Variants in MAP3K2 observed in about 807,000 individuals in gnomAD.
MAP3K2 encodes mitogen-activated protein kinase kinase kinase 2.
In MAP3K2, 24 loss-of-function variants were observed where a neutral mutation model predicts 80.3. The observed-to-expected ratio is 0.30, with a 90% CI of 0.22 to 0.42. The LOEUF is 0.42. MAP3K2 is among the 10% of genes least tolerant of loss of function. The pLI is 1.00. For missense variants in MAP3K2, 608 were observed against 750.1 expected, an observed-to-expected ratio of 0.81 and a Z score of 2.21; for synonymous variants, 244 against 253.7, an observed-to-expected ratio of 0.96 and a Z score of 0.36.
At chr2:127,356,805 G>GACACT (rs1189147865) in intron 1 of MAP3K2, among the ~76,000 whole-genome samples, 1 of 152,184 alleles carries the variant, frequency 6.6e-6, no homozygotes, top group African/African-American at 2.4e-5. Context: ...AACTCTTTTG[G>GACACT]ACACTGGTCT....
intron 1 of MAP3K2, among the ~76,000 whole-genome samples, chr2:127,379,176 C>T (rs1687202108): frequency 1.3e-5 from 2 of 151,724 alleles, no homozygotes; most frequent in African/African-American, 4.8e-5. Context: ...CATTTGTATT[C>T]CCCTTATATT....
chr2:127,331,251 T>TA (rs957536770), intron 5 of MAP3K2, among the ~76,000 whole-genome samples: 74 of 151,672 alleles, frequency 4.9e-4, no homozygotes, highest in African/African-American at 1.4e-3. Context: ...GTCCTTTTTT[T>TA]AAAAAAAAAG....
chr2:127,371,722 A>G (rs1291534390), intron 1 of MAP3K2, among the ~76,000 whole-genome samples: 5 of 152,202 alleles, frequency 3.3e-5, no homozygotes, highest in Admixed American at 6.5e-5. Flanking sequence ...AGGGAAACCC[A>G]AATTGTTTTC....
chr2:127,371,576 C>A (rs1326593500), intron 1 of MAP3K2, among the ~76,000 whole-genome samples: 1 of 152,162 alleles, frequency 6.6e-6, no homozygotes, highest in Non-Finnish European at 1.5e-5. Context: ...TGTGGATCGC[C>A]AACAAGCAAT....
Position 127,337,699 on chromosome 2 carries a change from TTAAATCAATTAATTAACATG to T in MAP3K2, c.164+19_164+38del. The T allele has an allele frequency of 8.4e-7, 1 of 1,190,342 alleles. No individual in the cohort carries two copies. Among genetic ancestry groups the T allele is most frequent in the Non-Finnish European group, 1.2e-6 (1 of 833,596 alleles). The allele number at this position is 1,190,342 out of a possible 1,614,324, so 73.7% of individuals were successfully genotyped here. On this transcript the variant is annotated intron_variant, in intron 4 of 16. Transcript: ENST00000682094. ...AAGCTTAATTAGAATACACATTTGA[TTAAATCAATTAATTAACATG>T]TAATGTTTCCTTCCTTACCTTTTTT... is the stretch of plus-strand genomic sequence containing the variant.
Position 127,339,519 on chromosome 2 carries a change from A to C in MAP3K2, c.5-469T>G, listed in dbSNP as rs1302644912. Among the ~76,000 whole-genome samples the C allele has an allele frequency of 6.6e-6, 1 of 152,198 alleles. No individual in the cohort carries two copies. Among genetic ancestry groups the C allele is most frequent in the African/African-American group, 2.4e-5 (1 of 41,444 alleles). ...CATCAATACTTAAGAGTCAGAAACAAAGAAAAGCTTCACCTGTGGATACTG... is the reference window on the plus strand; with the variant it reads ...CATCAATACTTAAGAGTCAGAAACACAGAAAAGCTTCACCTGTGGATACTG... On this transcript the variant is annotated intron_variant, in intron 2 of 16. Coordinates refer to ENST00000682094, the MANE Select transcript of MAP3K2 (RefSeq NM_001371910.2). The surrounding 1 kb of genome is among the most constrained non-coding windows in gnomAD (Gnocchi z 4.2).
Position 127,308,078 on chromosome 2 carries a change from T to A in MAP3K2, c.1635-274A>T, listed in dbSNP as rs72845961. Among the ~76,000 whole-genome samples, 9,871 of 152,248 alleles carry A rather than the reference T, an allele frequency of 0.065. 427 individuals are homozygous for A. The highest frequency in any genetic ancestry group is 0.12 in the African/African-American group (4,997 of 41,530). ...TGTTTTATATAATTTCTAACCTGAT[T>A]TTAAAAATAATTTTTGTCTTTATCT... is the stretch of plus-strand genomic sequence containing the variant. On this transcript the variant is annotated intron_variant, in intron 16 of 16. Coordinates refer to ENST00000682094, the MANE Select transcript of MAP3K2 (RefSeq NM_001371910.2).
chr2:127,388,334 A>T (rs1687423177), upstream of MAP3K2: 1 of 983,682 alleles, frequency 1.0e-6, no homozygotes, highest in Non-Finnish European at 1.2e-6. Context: ...GGCTGTGGAC[A>T]GGGCCCAAGG....
intron 1 of MAP3K2, among the ~76,000 whole-genome samples, chr2:127,353,507 C>T (rs71517292): frequency 6.6e-5 from 10 of 152,104 alleles, no homozygotes; most frequent in African/African-American, 2.2e-4. Context: ...GCCCGGCAGC[C>T]GCCCCGTCTG....
intron 1 of MAP3K2, among the ~76,000 whole-genome samples, chr2:127,386,643 A>C (rs192990586): frequency 6.6e-6 from 1 of 152,208 alleles, no homozygotes; most frequent in Admixed American, 6.5e-5. Context: ...GTACATAAAA[A>C]GTAAAGGTAT....
chr2:127,339,777 G>C lies in MAP3K2; in HGVS notation c.5-727C>G, dbSNP rs1686441827. Reference sequence around the variant, plus strand: ...CTAAAACCATGTGCCTGCCAGTAATGCCAATTATAAGCTCTCCAGAAGACA... The same window carrying C: ...CTAAAACCATGTGCCTGCCAGTAATCCCAATTATAAGCTCTCCAGAAGACA... On this transcript the variant is annotated intron_variant, in intron 2 of 16. Coordinates refer to ENST00000682094, the MANE Select transcript of MAP3K2 (RefSeq NM_001371910.2). This position sits in a 1 kb window ranked among gnomAD's most constrained non-coding sequence, Gnocchi z 4.2. Among the ~76,000 whole-genome samples the C allele has an allele frequency of 1.3e-5, 2 of 152,154 alleles. No individual in the cohort carries two copies. The highest frequency in any genetic ancestry group is 2.4e-5 in the African/African-American group (1 of 41,420).
chr2:127,337,904 G>C (rs1161626815), intron 3 of MAP3K2, 126 bp from the exon 4 acceptor site: 1 of 549,780 alleles, frequency 1.8e-6, no homozygotes, highest in Non-Finnish European at 3.1e-6. Flanking sequence ...CAGACGAGGA[G>C]GGAATTTTGA....
At chr2:127,332,840 G>A (rs911579513) in intron 5 of MAP3K2, among the ~76,000 whole-genome samples, 1 of 152,034 alleles carries the variant, frequency 6.6e-6, no homozygotes, top group African/African-American at 2.4e-5. Flanking sequence ...CCATTAAAAG[G>A]TTCTCCAGGC....
chr2:127,377,388 G>GTT (rs34205221), intron 1 of MAP3K2, among the ~76,000 whole-genome samples: 131 of 147,742 alleles, frequency 8.9e-4, no homozygotes, highest in Middle Eastern at 3.5e-3. Flanking sequence ...AATTTCAGTG[G>GTT]TTTTTTTTTT....
At chr2:127,341,633 C>T (rs1027923463) in intron 2 of MAP3K2, among the ~76,000 whole-genome samples, 1 of 149,188 alleles carries the variant, frequency 6.7e-6, no homozygotes, top group Non-Finnish European at 1.5e-5. Flanking sequence ...CCTGGGTTCA[C>T]GCCATTCTCC....
intron 1 of MAP3K2, among the ~76,000 whole-genome samples, chr2:127,352,988 C>G (rs1460900001): frequency 6.6e-6 from 1 of 152,118 alleles, no homozygotes; most frequent in Non-Finnish European, 1.5e-5. Flanking sequence ...GATGGAGTCT[C>G]GTTCACTCAG....
chr2:127,318,312 G>A lies in MAP3K2; in HGVS notation c.1051C>T (p.Arg351Ter). 6.3e-7 allele frequency: 1 copy of A among 1,584,728 alleles called. No individual in the cohort carries two copies. Among genetic ancestry groups the A allele is most frequent in the Non-Finnish European group, 8.6e-7 (1 of 1,169,560 alleles). Reference protein sequence around the residue: ...MDISPPSRSPRAPTNWRLGKL... With the variant: ...MDISPPSRSP Reference sequence around the variant, plus strand: ...CCCAATCTCCAGTTGGTCGGAGCTCGAGGTGCTGAAAAAGAACACTTTCTT... The same window carrying A: ...CCCAATCTCCAGTTGGTCGGAGCTCAAGGTGCTGAAAAAGAACACTTTCTT... Residue 351 changes from arginine (R) to a stop codon, truncating the protein, a stop_gained, in exon 13 of 17, where the codon CGA becomes TGA. Transcript: ENST00000682094. LOFTEE classifies it high-confidence loss of function.
intron 15 of MAP3K2, among the ~76,000 whole-genome samples, chr2:127,313,078 A>G (rs1685838785): frequency 6.6e-6 from 1 of 152,186 alleles, no homozygotes; most frequent in Non-Finnish European, 1.5e-5. Context: ...CAAACTTAAG[A>G]TCATATTGCA....
chr2:127,377,529 C>G (rs1687172113), intron 1 of MAP3K2, among the ~76,000 whole-genome samples: 2 of 152,040 alleles, frequency 1.3e-5, no homozygotes, highest in South Asian at 4.1e-4. Context: ...AATGTGGAGG[C>G]AGTGGGAATG....
Sources: allele counts gnomAD v4.1 joint callset (sites outside exome capture counted in the v4.1 genomes callset), GRCh38; gene constraint gnomAD v4.1.1; non-coding constraint Gnocchi (gnomAD v3.1); transcripts MANE v1.5; gene names NCBI Gene and HGNC (gene_info 2026-07-23, HGNC 2026-07-21).